PRDM15: variants seen among roughly 807,000 people sequenced by gnomAD.
PRDM15 encodes PR domain zinc finger protein 15.
In PRDM15, 64 loss-of-function variants were observed where a neutral mutation model predicts 128.6. The ratio of observed to expected loss-of-function variants is 0.50; its 90% confidence interval spans 0.41 to 0.61. PRDM15 has a LOEUF of 0.61. PRDM15 is among the 20% of genes least tolerant of loss of function. The pLI is 0.00. For missense variants in PRDM15, 1,242 were observed against 1,569.1 expected (o/e 0.79, Z 3.52); for synonymous variants, 615 against 621.8 (o/e 0.99, Z 0.16).
intron 5 of PRDM15, among the ~76,000 whole-genome samples, chr21:41,847,579 A>G: frequency 6.6e-6 from 1 of 152,114 alleles, no homozygotes; most frequent in East Asian, 1.9e-4. Flanking sequence ...GGCTCATAGA[A>G]TAAGAGACAG....
chr21:41,840,524 A>G (rs77052487), intron 6 of PRDM15, among the ~76,000 whole-genome samples: 4,773 of 152,076 alleles, frequency 0.031, 108 homozygotes, highest in Middle Eastern at 0.095. Flanking sequence ...TCAAAACACT[A>G]TGTAACAATC....
Position 41,821,289 on chromosome 21 carries a change from G to T in PRDM15, c.1897-59C>A, listed in dbSNP as rs1568922192. 2.5e-6 allele frequency: 4 copies of T among 1,597,806 alleles called. No individual in the cohort carries two copies. The highest frequency in any genetic ancestry group is 3.4e-6 in the Non-Finnish European group (4 of 1,169,420). The stretch of plus-strand genomic sequence containing the variant: ...CCGCATGAGGTCCCTGGTCCTCTTA[G>T]CTAATGAGGTCGTGTCCACAAACCA... On this transcript the variant is annotated intron_variant, in intron 15 of 23. Coordinates refer to ENST00000398548, the MANE Select transcript of PRDM15 (RefSeq NM_001040424.3). This position sits in a 1 kb window ranked among gnomAD's most constrained non-coding sequence, Gnocchi z 5.4.
At chr21:41,870,792 G>C (rs1047186465) in intron 1 of PRDM15, 5 of 152,336 alleles carry the variant, frequency 3.3e-5, no homozygotes, top group African/African-American at 1.2e-4. Context: ...GCAGACTCCC[G>C]GGGTCAGCAA....
Position 41,828,190 on chromosome 21 carries a change from C to A in PRDM15, c.1510G>T (p.Asp504Tyr). ...CCTTCCAGGTGCCGGCGCTGGTGGT[C>A]CAGCATGACGTCCTTGCGGTAGAAC... ...KMFYRKDVML[D>Y]HQRRHLEGVR... The change falls in exon 12 of 24, where the codon GAC becomes TAC. Residue 504 changes from aspartate to tyrosine, a missense_variant. Asp to Tyr is a radical substitution (Grantham distance 160). Around this residue, in one of 3 missense-constraint regions of PRDM15, gnomAD observed 612 missense variants for 717.0 expected, o/e 0.85. Transcript: ENST00000398548. The surrounding 1 kb of genome is among the most constrained non-coding windows in gnomAD (Gnocchi z 5.7). 1.2e-6 allele frequency: 2 copies of A among 1,613,990 alleles called. No homozygotes were observed. Among genetic ancestry groups the A allele is most frequent in the South Asian group, 1.1e-5 (1 of 91,076 alleles).
chr21:41,872,051 A>G (rs547932681), intron 1 of PRDM15: 77 of 154,462 alleles, frequency 5.0e-4, no homozygotes, highest in African/African-American at 1.8e-3. Context: ...AGCTAGAAAT[A>G]GTACAAGGTT....
At chr21:41,849,174 G>C (rs1249952901) in intron 5 of PRDM15, among the ~76,000 whole-genome samples, 2 of 152,220 alleles carry the variant, frequency 1.3e-5, no homozygotes, top group African/African-American at 4.8e-5. Flanking sequence ...GCATTCCAGT[G>C]GGCGCGGCTG....
At chr21:41,863,550 T>C (rs1014446096) in intron 1 of PRDM15, among the ~76,000 whole-genome samples, 2 of 151,772 alleles carry the variant, frequency 1.3e-5, no homozygotes, top group African/African-American at 4.8e-5. Flanking sequence ...ATCAGAAATG[T>C]CAATTAAGCT....
Position 41,820,153 on chromosome 21 carries a change from G to C in PRDM15, c.2082C>G (p.Ile694Met). The C allele has an allele frequency of 6.2e-7, 1 of 1,613,834 alleles. No individual in the cohort carries two copies. The highest frequency in any genetic ancestry group is 8.5e-7 in the Non-Finnish European group (1 of 1,179,866). Residue 694 changes from isoleucine to methionine, a missense_variant, in exon 17 of 24, where the codon ATC becomes ATG. Physicochemically the swap from Ile to Met is conservative, Grantham distance 10 (BLOSUM62 1). Transcript: ENST00000398548. ...CGATGCTGTTGAAGATCCGCCCGCA[G>C]ATCTCGCAGGGGTGGATGTACCTGA... The part of the protein sequence containing the change: ...NVQKYIHPCE[I>M]CGRIFNSIGN...
intron 21 of PRDM15, among the ~76,000 whole-genome samples, chr21:41,809,431 C>T (rs1280570723): frequency 6.6e-6 from 1 of 152,018 alleles, no homozygotes; most frequent in East Asian, 1.9e-4. Context: ...CGGGGTTTCA[C>T]CATGTTGGCC....
At position 41,800,321 on chromosome 21, in the gene PRDM15, G is replaced by C. The variant is rs1193691685; in HGVS notation, c.*919C>G. Reference sequence around the variant, plus strand: ...CTGAGACAACCCGGAGGAGCCCCTGGGGGCAGCAGGGAGGCTCACTCCTCA... The same window carrying C: ...CTGAGACAACCCGGAGGAGCCCCTGCGGGCAGCAGGGAGGCTCACTCCTCA... On this transcript the variant is annotated 3_prime_UTR_variant, in exon 24 of 24. Transcript: ENST00000398548. The C allele has an allele frequency of 1.3e-5, 2 of 152,320 alleles. No individual in the cohort carries two copies. Among genetic ancestry groups the C allele is most frequent in the Non-Finnish European group, 2.9e-5 (2 of 68,028 alleles). The allele number at this position is 152,320 out of a possible 1,614,324, so 9.4% of individuals were successfully genotyped here.
intron 8 of PRDM15, among the ~76,000 whole-genome samples, chr21:41,837,222 A>C (rs372291851): frequency 1.3e-5 from 2 of 152,372 alleles, no homozygotes; most frequent in Non-Finnish European, 1.5e-5. Flanking sequence ...AATCGTAACT[A>C]AAACACAGGG....
chr21:41,806,021 C>CCACCACCACCAT (rs1568879798), intron 21 of PRDM15, among the ~76,000 whole-genome samples: 10 of 26,132 alleles, frequency 3.8e-4, no homozygotes, highest in African/African-American at 1.3e-3. Context: ...ACCACCATCA[C>CCACCACCACCAT]CACCACCACC....
chr21:41,875,703 A>G (rs1219471772), intron 1 of PRDM15, among the ~76,000 whole-genome samples: 4 of 152,226 alleles, frequency 2.6e-5, no homozygotes, highest in African/African-American at 9.7e-5. Context: ...CCAACGTTAT[A>G]TATTCATGCT....
At position 41,820,118 on chromosome 21, in the gene PRDM15, T is replaced by C. The variant is rs370848060; in HGVS notation, c.2117A>G (p.Glu706Gly). 3.1e-6 allele frequency: 5 copies of C among 1,613,730 alleles called. No homozygotes were observed. Among genetic ancestry groups the C allele is most frequent in the Non-Finnish European group, 4.2e-6 (5 of 1,179,856 alleles). ...ACCTGTGTGGATGAGCTTGTGGCGC[T>C]CCAGGTTCCCGATGCTGTTGAAGAT... ...GRIFNSIGNL[E>G]RHKLIHTGVK... is the part of the protein sequence containing the mutation. The change falls in exon 17 of 24, where the codon GAG (glutamate) becomes GGG (glycine). Residue 706 changes from glutamate (E) to glycine (G), a missense_variant. Around this residue, in one of 3 missense-constraint regions of PRDM15, gnomAD observed 602 missense variants for 788.3 expected, o/e 0.76. Coordinates refer to ENST00000398548, the MANE Select transcript of PRDM15 (RefSeq NM_001040424.3).
chr21:41,848,307 G>C (rs148436937), intron 5 of PRDM15, among the ~76,000 whole-genome samples: 17 of 152,230 alleles, frequency 1.1e-4, no homozygotes, highest in Admixed American at 1.1e-3. Flanking sequence ...ATCACCCTGT[G>C]CATGCATGTT....
Position 41,862,895 on chromosome 21 carries a change from G to A in PRDM15, c.-9-2523C>T, listed in dbSNP as rs2063868566. On this transcript the variant is annotated intron_variant, in intron 1 of 23. Transcript: ENST00000398548. This position sits in a 1 kb window ranked among gnomAD's most constrained non-coding sequence, Gnocchi z 4.1. ...ACTAGAAGTTCGAGATCCTGGGCAGGCGTGTGGCTCACGTCTGTAATCCCA... is the reference window on the plus strand; with the variant it reads ...ACTAGAAGTTCGAGATCCTGGGCAGACGTGTGGCTCACGTCTGTAATCCCA... Among the ~76,000 whole-genome samples the A allele has an allele frequency of 6.6e-6, 1 of 152,122 alleles. No homozygotes were observed. Among genetic ancestry groups the A allele is most frequent in the African/African-American group, 2.4e-5 (1 of 41,450 alleles).
chr21:41,859,353 C>G lies in PRDM15; in HGVS notation c.131+239G>C. ...ACACTGTGTCGGGAACAGCTGGGCT[C>G]CAGCTAAGAACCCTGGAGTGGATCA... On this transcript the variant is annotated intron_variant, in intron 3 of 23. Coordinates refer to ENST00000398548, the MANE Select transcript of PRDM15 (RefSeq NM_001040424.3). This position sits in a 1 kb window ranked among gnomAD's most constrained non-coding sequence, Gnocchi z 5.3. 6.6e-6 allele frequency: 6 copies of G among 914,598 alleles called. No individual in the cohort carries two copies. Among genetic ancestry groups the G allele is most frequent in the African/African-American group, 1.6e-5 (1 of 61,212 alleles). The allele number at this position is 914,598 out of a possible 1,614,324, so 56.7% of individuals were successfully genotyped here. A position where few individuals can be genotyped will look rare whatever the true frequency, so the allele number is the denominator to read the frequency against.
At position 41,819,572 on chromosome 21, in the gene PRDM15, C is replaced by T. The variant is rs1388664652; in HGVS notation, c.2260+10G>A. On this transcript the variant is annotated intron_variant, in intron 18 of 23. Coordinates refer to ENST00000398548, the MANE Select transcript of PRDM15 (RefSeq NM_001040424.3). ...TGAGCCTGGCCCATGTCCCCAGCAC[C>T]CGTACCCACCTTTCCCACACTCGGC... 16 of 1,611,168 alleles carry T rather than the reference C, an allele frequency of 9.9e-6. No individual in the cohort carries two copies. The highest frequency in any genetic ancestry group is 1.2e-5 in the Non-Finnish European group (14 of 1,179,262).
chr21:41,845,824 T>C (rs542023270), intron 6 of PRDM15, among the ~76,000 whole-genome samples: 29 of 152,204 alleles, frequency 1.9e-4, no homozygotes, highest in Admixed American at 3.9e-4. Context: ...GAAACACAAA[T>C]GAGCAGCAAC....
Sources: allele counts gnomAD v4.1 joint callset (sites outside exome capture counted in the v4.1 genomes callset), GRCh38; gene constraint gnomAD v4.1.1; regional missense constraint gnomAD v4.1.1; non-coding constraint Gnocchi (gnomAD v3.1); transcripts MANE v1.5; gene names NCBI Gene and HGNC (gene_info 2026-07-23, HGNC 2026-07-21).